The following ATP6V0E1 variants were observed in gnomAD, a reference collection of about 807,000 sequenced individuals.
ATP6V0E1 encodes the protein V-type proton ATPase subunit e 1.
ATP6V0E1 carries 4 observed loss-of-function variants against 11.6 expected under a neutral mutation model. The ratio of observed to expected loss-of-function variants is 0.35; its 90% CI spans 0.17 to 0.79. ATP6V0E1 has a LOEUF of 0.79. Ranked by LOEUF, ATP6V0E1 falls within the 30% of genes least tolerant of loss-of-function variation. The probability of loss-of-function intolerance (pLI) is 0.54; values close to 1 mark genes in which losing one functional copy is unlikely to be tolerated. For missense variants in ATP6V0E1, 105 were observed against 100.0 expected, an observed-to-expected ratio of 1.05 and a Z score of -0.21; for synonymous variants, 36 against 34.8, an observed-to-expected ratio of 1.04 and a Z score of -0.13.
At chr5:173,019,383 A>G (rs1162432734) in intron 2 of ATP6V0E1, among the ~76,000 whole-genome samples, 1 of 152,044 alleles carries the variant, frequency 6.6e-6, no homozygotes, top group Admixed American at 6.6e-5. Flanking sequence ...GTGAAAACCC[A>G]TCTCTACTAA....
Position 173,020,527 on chromosome 5 carries a change from A to T in ATP6V0E1, c.*36+160A>T, listed in dbSNP as rs966938346. On this transcript the variant is annotated intron_variant, in intron 3 of 3. Coordinates refer to ENST00000519374, the MANE Select transcript of ATP6V0E1 (RefSeq NM_003945.4). The stretch of plus-strand genomic sequence containing the variant: ...GAAATAAAATTGGAACTTAAGCCTT[A>T]GCTTACCTAAATCTCATTAAGATTC... The T allele has an allele frequency of 5.8e-5, 34 of 585,036 alleles. No homozygotes were observed. In the African/African-American group the frequency reaches 6.2e-4, roughly 11 times the overall value. 36.2% of individuals were successfully genotyped at this position (585,036 alleles called of 1,614,324 possible).
At chr5:173,009,296 C>T (rs537633931) in intron 2 of ATP6V0E1, among the ~76,000 whole-genome samples, 3 of 151,932 alleles carry the variant, frequency 2.0e-5, no homozygotes, top group Non-Finnish European at 2.9e-5. Flanking sequence ...GTGGTGGCAC[C>T]TCATGCCTGC....
intron 1 of ATP6V0E1, among the ~76,000 whole-genome samples, chr5:172,989,378 C>T (rs975219016): frequency 2.0e-5 from 3 of 152,156 alleles, no homozygotes; most frequent in African/African-American, 7.2e-5. Flanking sequence ...TTTTCCCTGC[C>T]TCATTAGGTC....
intron 1 of ATP6V0E1, among the ~76,000 whole-genome samples, chr5:172,991,588 C>T (rs1246451132): frequency 1.8e-4 from 28 of 151,926 alleles, no homozygotes; most frequent in Admixed American, 1.7e-3. Context: ...GATGTTTGCA[C>T]GTAGGGGGAG....
At position 172,983,808 on chromosome 5, in the gene ATP6V0E1, T is replaced by G; in HGVS notation, c.-53T>G. The G allele has an allele frequency of 6.4e-7, 1 of 1,555,786 alleles. No individual in the cohort carries two copies. The stretch of plus-strand genomic sequence containing the variant: ...CACGCGGTCAGCTATTGACACTTCC[T>G]GGTGGGATCCGAGTGAGGCGACGGG... On this transcript the variant is annotated 5_prime_UTR_variant, in exon 1 of 4. Coordinates refer to ENST00000519374, the MANE Select transcript of ATP6V0E1 (RefSeq NM_003945.4).
intron 3 of ATP6V0E1, among the ~76,000 whole-genome samples, chr5:173,030,989 G>C (rs1436496192): frequency 1.3e-5 from 2 of 151,728 alleles, no homozygotes; most frequent in African/African-American, 2.4e-5. Flanking sequence ...CTGTCGCCCA[G>C]ACTGGAGTGC....
intron 1 of ATP6V0E1, 56 bp from the exon 2 acceptor site, chr5:172,994,719 A>G (rs1357755036): frequency 4.4e-6 from 6 of 1,379,130 alleles, no homozygotes; most frequent in Non-Finnish European, 5.0e-6. Context: ...CCATTCTGTG[A>G]TGTTTGCATA....
intron 3 of ATP6V0E1, among the ~76,000 whole-genome samples, chr5:173,030,313 A>G (rs1446561328): frequency 6.6e-6 from 1 of 152,240 alleles, no homozygotes; most frequent in Non-Finnish European, 1.5e-5. Flanking sequence ...AAATTTATCT[A>G]AAATTTTTAA....
At chr5:173,011,550 G>A (rs530570335) in intron 2 of ATP6V0E1, among the ~76,000 whole-genome samples, 2 of 152,144 alleles carry the variant, frequency 1.3e-5, no homozygotes, top group African/African-American at 4.8e-5. Flanking sequence ...TGGATTCCCC[G>A]CTTCCAGCTT....
At chr5:172,992,143 C>T (rs1167244778) in intron 1 of ATP6V0E1, among the ~76,000 whole-genome samples, 1 of 152,006 alleles carries the variant, frequency 6.6e-6, no homozygotes, top group Non-Finnish European at 1.5e-5. Flanking sequence ...CTCCGCCTCC[C>T]GGGTTCACGC....
rs181526014 is a variant in ATP6V0E1, at chr5:172,997,330, C to T, written c.152+2508C>T. On this transcript the variant is annotated intron_variant, in intron 2 of 3. Coordinates refer to ENST00000519374, the MANE Select transcript of ATP6V0E1 (RefSeq NM_003945.4). ...AACACGTAGAAAACAAGAAATATTCCGATGAATGAAATATACCAAATGTCA... is the reference window on the plus strand; with the variant it reads ...AACACGTAGAAAACAAGAAATATTCTGATGAATGAAATATACCAAATGTCA... Among the ~76,000 whole-genome samples the T allele has an allele frequency of 8.6e-5, 13 of 152,018 alleles. No individual in the cohort carries two copies. The East Asian group carries it at 1.5e-3, about 18-fold the overall frequency.
chr5:173,032,254 TTTA>T (rs200821090), intron 3 of ATP6V0E1, among the ~76,000 whole-genome samples: 32,796 of 88,294 alleles, frequency 0.37, 4,019 homozygotes, highest in Non-Finnish European at 0.4. Context: ...TTTTATTTTA[TTTA>T]TTTATTTATT....
chr5:172,984,037 AC>A (rs1339465006), intron 1 of ATP6V0E1, 73 bp downstream of exon 1: 1 of 1,423,468 alleles, frequency 7.0e-7, no homozygotes, highest in Non-Finnish European at 9.9e-7. Flanking sequence ...GAAAGGCACG[AC>A]CCCCACACGG....
chr5:173,004,259 G>A (rs1756197516), intron 2 of ATP6V0E1, among the ~76,000 whole-genome samples: 1 of 152,140 alleles, frequency 6.6e-6, no homozygotes, highest in South Asian at 2.1e-4. Flanking sequence ...ACATGCAGTT[G>A]CACTTCTTTA....
chr5:173,025,504 C>CTTTTTTTTTTTTTTTTTTTT (rs60822937), intron 3 of ATP6V0E1, among the ~76,000 whole-genome samples: 1 of 65,566 alleles, frequency 1.5e-5, no homozygotes, highest in Non-Finnish European at 2.8e-5. Flanking sequence ...ATATAAAATA[C>CTTTTTTTTTTTTTTTTTTTT]TTTTTTTTTT....
intron 2 of ATP6V0E1, among the ~76,000 whole-genome samples, chr5:173,002,582 T>G (rs1013317224): frequency 1.3e-5 from 2 of 152,212 alleles, no homozygotes; most frequent in Non-Finnish European, 2.9e-5. Flanking sequence ...TCATAAGTGG[T>G]GTTGAGTACT....
At chr5:173,019,327 G>A (rs1057166676) in intron 2 of ATP6V0E1, among the ~76,000 whole-genome samples, 10 of 152,074 alleles carry the variant, frequency 6.6e-5, no homozygotes, top group African/African-American at 1.9e-4. Flanking sequence ...AGGCCGAGGC[G>A]GGCACATCAC....
intron 2 of ATP6V0E1, among the ~76,000 whole-genome samples, chr5:172,995,233 G>A (rs1052336972): frequency 6.6e-6 from 1 of 152,136 alleles, no homozygotes; most frequent in Non-Finnish European, 1.5e-5. Flanking sequence ...CTACCTAAAT[G>A]GCTGGGGTTA....
chr5:173,006,522 A>T (rs915529901), intron 2 of ATP6V0E1, among the ~76,000 whole-genome samples: 4 of 152,136 alleles, frequency 2.6e-5, no homozygotes, highest in African/African-American at 9.7e-5. Context: ...AGGCAGGAGA[A>T]TGGCGTGAAC....
Sources: gnomAD v4.1 joint callset for allele counts (sites outside exome capture counted in the v4.1 genomes callset) on GRCh38, gnomAD v4.1.1 for gene constraint, MANE v1.5 for transcripts, NCBI Gene and HGNC (gene_info 2026-07-23, HGNC 2026-07-21) for gene names.